The following DNAH14 variants were observed in gnomAD, a reference collection of about 807,000 sequenced individuals.
DNAH14 encodes axonemal beta dynein heavy chain 14.
DNAH14 carries 478 observed loss-of-function variants against 520.9 expected under a neutral mutation model. The observed-to-expected ratio is 0.92, with a 90% CI of 0.85 to 0.99. DNAH14 has a LOEUF of 0.99. Among genes scored for constraint, DNAH14 ranks in the 50% least tolerant of loss-of-function variants. The pLI is 0.00. For synonymous variants in DNAH14, 1,581 were observed against 1,757.2 expected (o/e 0.90, Z 2.51); for missense variants, 4,831 against 5,234.5 (o/e 0.92, Z 2.38).
intron 35 of DNAH14, among the ~76,000 whole-genome samples, chr1:225,165,875 G>A (rs919591476): frequency 6.6e-5 from 10 of 151,916 alleles, no homozygotes; most frequent in East Asian, 1.9e-4. Context: ...GTGAGACACC[G>A]CGCATGGCCT....
intron 69 of DNAH14, among the ~76,000 whole-genome samples, chr1:225,343,397 T>G (rs1264912620): frequency 6.6e-6 from 1 of 152,160 alleles, no homozygotes; most frequent in East Asian, 1.9e-4. Context: ...AACAAAAACT[T>G]AAGTAGGGAA....
chr1:225,267,964 T>A (rs1011762585), intron 49 of DNAH14, among the ~76,000 whole-genome samples: 1 of 151,932 alleles, frequency 6.6e-6, no homozygotes, highest in Non-Finnish European at 1.5e-5. Flanking sequence ...GCCTGGACAA[T>A]TCCCTGAACT....
intron 77 of DNAH14, among the ~76,000 whole-genome samples, chr1:225,371,233 C>T (rs1450815766): frequency 6.6e-6 from 1 of 152,048 alleles, no homozygotes; most frequent in Non-Finnish European, 1.5e-5. Context: ...ATAAATGGAT[C>T]TCAGCAATGA....
chr1:224,935,330 C>CT (rs1312069140), intron 1 of DNAH14, among the ~76,000 whole-genome samples: 1 of 151,790 alleles, frequency 6.6e-6, no homozygotes, highest in Non-Finnish European at 1.5e-5. Flanking sequence ...CTATATGCTG[C>CT]TTACAAGAAA....
rs1319437511 is a variant in DNAH14, at chr1:225,305,067, G to C, written c.8983G>C (p.Glu2995Gln). 6.5e-7 allele frequency: 1 copy of C among 1,536,528 alleles called. No individual in the cohort carries two copies. The highest frequency in any genetic ancestry group is 1.4e-5 in the African/African-American group (1 of 72,118). ...ATTTGCACACATTTTGAGGGCACGA[G>C]AGGAAGAGATGCAAACAAAGAGGTA... Reference protein sequence around the residue: ...ETFAHILRAREEEMQTKRDRF... With the variant: ...ETFAHILRARQEEMQTKRDRF... Residue 2995 changes from glutamate to glutamine, a missense_variant, in exon 58 of 86, where the codon GAG (glutamate) becomes CAG (glutamine). By Grantham distance (29) the Glu-to-Gln change is conservative (BLOSUM62 2). Coordinates refer to ENST00000682510, the MANE Select transcript of DNAH14 (RefSeq NM_001367479.1).
chr1:225,108,044 C>G (rs939147457), intron 23 of DNAH14, among the ~76,000 whole-genome samples: 1 of 152,268 alleles, frequency 6.6e-6, no homozygotes, highest in Middle Eastern at 3.4e-3. Context: ...CTGGGAGAGC[C>G]AGTCCCACCC....
At chr1:225,303,616 C>T (rs1035366654) in intron 57 of DNAH14, among the ~76,000 whole-genome samples, 1 of 152,194 alleles carries the variant, frequency 6.6e-6, no homozygotes, top group African/African-American at 2.4e-5. Context: ...AGCAGATTTC[C>T]GTGAAGGAAA....
intron 44 of DNAH14, among the ~76,000 whole-genome samples, chr1:225,256,950 A>G (rs1269660611): frequency 6.6e-6 from 1 of 152,232 alleles, no homozygotes; most frequent in Non-Finnish European, 1.5e-5. Flanking sequence ...CAACTAAAGC[A>G]TTTTAAGAGG....
At chr1:225,154,087 C>T (rs912474642) in intron 34 of DNAH14, among the ~76,000 whole-genome samples, 9 of 151,844 alleles carry the variant, frequency 5.9e-5, no homozygotes, top group Admixed American at 5.9e-4. Flanking sequence ...AAAAAGACCT[C>T]ATTTAGAAGA....
At chr1:225,388,350 A>G in intron 81 of DNAH14, 29 bp from the exon 82 acceptor site, 1 of 1,392,520 alleles carries the variant, frequency 7.2e-7, no homozygotes, top group South Asian at 1.3e-5. Context: ...AAGAAAAAAA[A>G]TGATGTGACT....
intron 23 of DNAH14, among the ~76,000 whole-genome samples, chr1:225,112,456 G>A (rs1174051905): frequency 6.6e-6 from 1 of 152,040 alleles, no homozygotes; most frequent in Admixed American, 6.6e-5. Context: ...TCTTCTTTGG[G>A]TTAAATCTGT....
intron 69 of DNAH14, among the ~76,000 whole-genome samples, chr1:225,341,020 T>C (rs1354364438): frequency 1.3e-5 from 2 of 152,236 alleles, no homozygotes; most frequent in East Asian, 1.9e-4. Flanking sequence ...CAGACATCTG[T>C]TATATGTCTC....
In DNAH14 at chr1:225,043,079, A is replaced by G; in HGVS notation, c.1733A>G (p.Lys578Arg). The G allele has an allele frequency of 6.4e-7, 1 of 1,551,344 alleles. No homozygotes were observed. The highest frequency in any genetic ancestry group is 8.7e-7 in the Non-Finnish European group (1 of 1,146,944). The change falls in exon 13 of 86, where the codon AAA becomes AGA. Residue 578 changes from lysine to arginine, a missense_variant. Transcript: ENST00000682510. ...TTGCTCCCAAAAGCCAAGAAATCAA[A>G]AGAAATTAGTTACAATCTTGAAGAT... is the stretch of plus-strand genomic sequence containing the variant. The part of the protein sequence containing the change: ...EELLPKAKKS[K>R]EISYNLEDII...
At chr1:225,200,105 C>T (rs1323973283) in intron 38 of DNAH14, among the ~76,000 whole-genome samples, 2 of 152,152 alleles carry the variant, frequency 1.3e-5, no homozygotes, top group Non-Finnish European at 2.9e-5. Context: ...TCTTTTTTAA[C>T]TGCTGTTGCT....
chr1:224,972,258 G>A (rs1246552138), intron 7 of DNAH14, among the ~76,000 whole-genome samples: 1 of 151,844 alleles, frequency 6.6e-6, no homozygotes, highest in East Asian at 1.9e-4. Context: ...TACTGAAGTT[G>A]TACAATTAAT....
chr1:225,156,900 A>G (rs1195093136), intron 34 of DNAH14, among the ~76,000 whole-genome samples: 1 of 138,292 alleles, frequency 7.2e-6, no homozygotes, highest in Admixed American at 7.3e-5. Context: ...TATTTTTAGT[A>G]GAGACGGGGT....
At chr1:225,007,293 A>G (rs1218033065) in intron 9 of DNAH14, 120 bp from the exon 10 acceptor site, 1 of 743,026 alleles carries the variant, frequency 1.3e-6, no homozygotes, top group African/African-American at 1.8e-5. Context: ...CATATAGGAT[A>G]TACAGAAGAA....
At chr1:225,119,979 C>T (rs960012231) in intron 26 of DNAH14, among the ~76,000 whole-genome samples, 1 of 152,106 alleles carries the variant, frequency 6.6e-6, no homozygotes, top group Non-Finnish European at 1.5e-5. Flanking sequence ...TTCTTGTAAC[C>T]ACCCAGTGGG....
At chr1:225,121,889 T>A (rs1035894044) in intron 26 of DNAH14, among the ~76,000 whole-genome samples, 2 of 151,372 alleles carry the variant, frequency 1.3e-5, no homozygotes, top group Non-Finnish European at 2.9e-5. Context: ...AAATAAATAA[T>A]TAAATAATTT....
Sources: allele counts gnomAD v4.1 joint callset (sites outside exome capture counted in the v4.1 genomes callset), GRCh38; gene constraint gnomAD v4.1.1; transcripts MANE v1.5; gene names NCBI Gene and HGNC (gene_info 2026-07-23, HGNC 2026-07-21).